Variants in NLRC4 observed in about 807,000 individuals in gnomAD.
The protein encoded by NLRC4 is NLR family CARD domain-containing protein 4.
A neutral mutation model predicts 79.9 loss-of-function variants in NLRC4; 63 were observed. The observed-to-expected ratio is 0.79, with a 90% CI of 0.64 to 0.97. The LOEUF is 0.97. Among genes scored for constraint, NLRC4 ranks in the 50% least tolerant of loss-of-function variants. The pLI is 0.00. For missense variants in NLRC4, 1,074 were observed against 1,215.2 expected, an observed-to-expected ratio of 0.88 and a Z score of 1.73; for synonymous variants, 461 against 456.5, an observed-to-expected ratio of 1.01 and a Z score of -0.12.
intron 8 of NLRC4, among the ~76,000 whole-genome samples, chr2:32,229,818 T>C (rs750826861): frequency 5.9e-5 from 9 of 152,184 alleles, no homozygotes; most frequent in Non-Finnish European, 1.0e-4. Flanking sequence ...TCTGAAAGTG[T>C]CTATTGAAAT....
Position 32,251,298 on chromosome 2 carries a change from C to T in NLRC4, c.566G>A (p.Gly189Glu). ...GAACTTGGTCAGAGCCTTGCACTTT[C>T]CGGAGCCCCAGAGCATGGCAATTCG... ...LQRIAMLWGS[G>E]KCKALTKFKF... is the part of the protein sequence containing the mutation. The change falls in exon 4 of 9, where the codon GGA becomes GAA. Residue 189 changes from glycine to glutamate, a missense_variant. Physicochemically the swap from Gly to Glu is moderately conservative, Grantham distance 98 (BLOSUM62 -2). Coordinates refer to ENST00000402280, the MANE Select transcript of NLRC4 (RefSeq NM_001199138.2). 1.9e-6 allele frequency: 3 copies of T among 1,614,132 alleles called. No homozygotes were observed. Among genetic ancestry groups the T allele is most frequent in the Non-Finnish European group, 2.5e-6 (3 of 1,180,018 alleles).
rs3832075 is a variant in NLRC4, at chr2:32,224,802, ATTTT to A, written c.2783-41_2783-38del. 0.48 allele frequency: 554,673 copies of A among 1,149,646 alleles called. 138,520 individuals carry two copies. Among genetic ancestry groups the A allele is most frequent in the Admixed American group, 0.55 (20,402 of 37,006 alleles). 71.2% of individuals were successfully genotyped at this position (1,149,646 alleles called of 1,614,324 possible). A position where few individuals can be genotyped will look rare whatever the true frequency, so the allele number is the denominator to read the frequency against. On this transcript the variant is annotated intron_variant, in intron 8 of 8. Transcript: ENST00000402280. ...AATAAGTATATTAGTTGGAAGAAAA[ATTTT>A]TTTTAAAAAAAAAGAGAAATAGGTT...
intron 4 of NLRC4, among the ~76,000 whole-genome samples, chr2:32,247,959 A>C (rs926493930): frequency 2.6e-5 from 4 of 152,194 alleles, no homozygotes; most frequent in African/African-American, 9.6e-5. Context: ...TGGGAGCTAA[A>C]TAATGTGTAC....
chr2:32,246,925 A>G (rs1686950951), intron 4 of NLRC4, among the ~76,000 whole-genome samples: 1 of 152,056 alleles, frequency 6.6e-6, no homozygotes, highest in African/African-American at 2.4e-5. Flanking sequence ...ACAGGCATGC[A>G]CCATCACGCC....
intron 4 of NLRC4, among the ~76,000 whole-genome samples, chr2:32,247,976 A>T (rs957426532): frequency 1.3e-5 from 2 of 152,126 alleles, no homozygotes; most frequent in African/African-American, 4.8e-5. Context: ...GTACACATGG[A>T]GATAGAAAGC....
chr2:32,239,041 G>A (rs1686735908), intron 5 of NLRC4, among the ~76,000 whole-genome samples: 1 of 152,140 alleles, frequency 6.6e-6, no homozygotes, highest in Non-Finnish European at 1.5e-5. Context: ...AGCACTATGG[G>A]AGGCAGTGAT....
chr2:32,232,823 G>A (rs532903355), intron 8 of NLRC4, among the ~76,000 whole-genome samples: 2 of 152,268 alleles, frequency 1.3e-5, no homozygotes, highest in South Asian at 4.1e-4. Context: ...AATACAGGAG[G>A]TTGTGGTTTG....
chr2:32,228,428 G>C (rs1482655910), intron 8 of NLRC4, among the ~76,000 whole-genome samples: 1 of 152,136 alleles, frequency 6.6e-6, no homozygotes, highest in Non-Finnish European at 1.5e-5. Context: ...TAGACACACA[G>C]AACTCCCTAT....
chr2:32,260,528 G>A (rs1643982929), intron 1 of NLRC4, among the ~76,000 whole-genome samples: 1 of 152,160 alleles, frequency 6.6e-6, no homozygotes, highest in Admixed American at 6.6e-5. Context: ...CCTAGATAAA[G>A]TTTCCTTTCA....
intron 4 of NLRC4, among the ~76,000 whole-genome samples, chr2:32,244,328 C>G (rs1195172215): frequency 6.6e-6 from 1 of 151,752 alleles, no homozygotes; most frequent in African/African-American, 2.4e-5. Flanking sequence ...TAAATGGATA[C>G]AGAAAACATC....
intron 1 of NLRC4, among the ~76,000 whole-genome samples, chr2:32,263,294 G>A (rs755548602): frequency 7.2e-5 from 11 of 152,140 alleles, no homozygotes; most frequent in Non-Finnish European, 1.5e-4. Flanking sequence ...ATGTTACTTA[G>A]CCTTTCCGAA....
intron 5 of NLRC4, 65 bp from the exon 6 acceptor site, chr2:32,238,367 G>A (rs978287439): frequency 2.3e-6 from 3 of 1,327,046 alleles, no homozygotes; most frequent in East Asian, 4.8e-5. Context: ...ATAGATTAAT[G>A]AACTGAAAAG....
intron 5 of NLRC4, among the ~76,000 whole-genome samples, chr2:32,239,367 C>T (rs532712915): frequency 1.6e-4 from 25 of 152,260 alleles, no homozygotes; most frequent in African/African-American, 5.1e-4. Flanking sequence ...AGATAATGTA[C>T]GTTAACATAT....
Position 32,248,534 on chromosome 2 carries a change from C to T in NLRC4, c.2257+1073G>A, listed in dbSNP as rs1056255454. On this transcript the variant is annotated intron_variant, in intron 4 of 8. Transcript: ENST00000402280. The stretch of plus-strand genomic sequence containing the variant: ...GCTCTACGCTTAAAGAATAAACTGT[C>T]CTAGGCTGGGCGTGGTGGCTCACGC... 2.2e-4 allele frequency among the ~76,000 whole-genome samples: 34 copies of T among 152,332 alleles called. No individual in the cohort carries two copies. The East Asian group carries it at 6.0e-3, about 27-fold the overall frequency.
chr2:32,249,587 A>T lies in NLRC4; in HGVS notation c.2257+20T>A, dbSNP rs758101141. The T allele has an allele frequency of 4.9e-5, 75 of 1,527,390 alleles. No individual in the cohort carries two copies. The highest frequency in any genetic ancestry group is 2.0e-5 in the Non-Finnish European group (23 of 1,133,562). The allele number at this position is 1,527,390 out of a possible 1,614,324, so 94.6% of individuals were successfully genotyped here. On this transcript the variant is annotated intron_variant, in intron 4 of 8. Coordinates refer to ENST00000402280, the MANE Select transcript of NLRC4 (RefSeq NM_001199138.2). Reference sequence around the variant, plus strand: ...TTTTTTTTAAGTGAACAAAGCACAAACCACTGATATTTACAATACCCGGCA... The same window carrying T: ...TTTTTTTTAAGTGAACAAAGCACAATCCACTGATATTTACAATACCCGGCA...
chr2:32,251,258 G>A lies in NLRC4; in HGVS notation c.606C>T (p.Phe202=), dbSNP rs1353432993. 5.0e-6 allele frequency: 8 copies of A among 1,614,148 alleles called. No homozygotes were observed. In the African/African-American group the frequency reaches 5.3e-5, roughly 11 times the overall value. The change falls in exon 4 of 9, where the codon TTC becomes TTT. Residue 202 remains phenylalanine, a synonymous_variant. Transcript: ENST00000402280. ...KALTKFKFVF[F]LRLSRAQGGL... ...CACCCTGGGCCCTGCTGAGACGGAG[G>A]AAGAAGACGAATTTGAACTTGGTCA... is the stretch of plus-strand genomic sequence containing the variant.
chr2:32,241,208 CCAAT>C, intron 4 of NLRC4, 83 bp from the exon 5 acceptor site: 1 of 838,084 alleles, frequency 1.2e-6, no homozygotes, highest in Non-Finnish European at 1.9e-6. Flanking sequence ...ATTTTTGTTA[CCAAT>C]CAAAAGATTT....
At chr2:32,256,095 T>C (rs751954790) in intron 2 of NLRC4, among the ~76,000 whole-genome samples, 8 of 152,180 alleles carry the variant, frequency 5.3e-5, no homozygotes, top group Non-Finnish European at 1.2e-4. Flanking sequence ...TCCTTGTATG[T>C]AGACCATCAT....
rs1348371029 is a variant in NLRC4 at position 32,251,087 on chromosome 2, T to C, written c.777A>G (p.Pro259=). The change falls in exon 4 of 9, where the codon CCA becomes CCG. Residue 259 remains proline, a synonymous_variant. Transcript: ENST00000402280. ...GYNEFKPQNC[P]EIEALIKENH... is the part of the protein sequence containing the mutation. Reference sequence around the variant, plus strand: ...TTTCCTTTATCAGGGCTTCGATTTCTGGGCAGTTCTGGGGCTTGAATTCAT... The same window carrying C: ...TTTCCTTTATCAGGGCTTCGATTTCCGGGCAGTTCTGGGGCTTGAATTCAT... The C allele has an allele frequency of 6.2e-7, 1 of 1,614,082 alleles. No homozygotes were observed. The highest frequency in any genetic ancestry group is 2.2e-5 in the East Asian group (1 of 44,896).
Sources: allele counts gnomAD v4.1 joint callset (sites outside exome capture counted in the v4.1 genomes callset), GRCh38; gene constraint gnomAD v4.1.1; transcripts MANE v1.5; gene names NCBI Gene and HGNC (gene_info 2026-07-23, HGNC 2026-07-21).